Variants in DUSP22 observed in about 807,000 individuals in gnomAD.
The protein encoded by DUSP22 is dual specificity phosphatase 22.
In DUSP22, 24 loss-of-function variants were observed where a neutral mutation model predicts 24.5. The ratio of observed to expected loss-of-function variants is 0.98; its 90% CI spans 0.71 to 1.38. DUSP22 has a LOEUF of 1.38. DUSP22 is among the 40% of genes most tolerant of loss of function. The pLI is 0.00. For synonymous variants in DUSP22, 160 were observed against 106.4 expected, an observed-to-expected ratio of 1.50 and a Z score of -3.10; for missense variants, 330 against 269.2, an observed-to-expected ratio of 1.23 and a Z score of -1.58.
intron 4 of DUSP22, among the ~76,000 whole-genome samples, chr6:344,435 A>G (rs1045857165): frequency 6.6e-6 from 1 of 152,274 alleles, no homozygotes; most frequent in Admixed American, 6.5e-5. Flanking sequence ...ACAGGCATGC[A>G]CCACCACACC....
chr6:308,621 T>A (rs1581152966), intron 2 of DUSP22, among the ~76,000 whole-genome samples: 1 of 152,416 alleles, frequency 6.6e-6, no homozygotes, highest in South Asian at 2.1e-4. Flanking sequence ...AATGTATGCT[T>A]TTTTCCCCAG....
chr6:327,355 G>A (rs902496323), intron 3 of DUSP22, among the ~76,000 whole-genome samples: 18 of 152,418 alleles, frequency 1.2e-4, no homozygotes, highest in East Asian at 7.7e-4. Flanking sequence ...AGGCCGGCCC[G>A]CACTGGACGG....
intron 1 of DUSP22, among the ~76,000 whole-genome samples, chr6:301,236 TG>T (rs1757567918): frequency 6.6e-6 from 1 of 152,194 alleles, no homozygotes; most frequent in Non-Finnish European, 1.5e-5. Flanking sequence ...ACAGGGTTTG[TG>T]GTTTTCGAGC....
chr6:334,310 A>C (rs1370037408), intron 3 of DUSP22, among the ~76,000 whole-genome samples: 1 of 152,308 alleles, frequency 6.6e-6, no homozygotes, highest in Non-Finnish European at 1.5e-5. Flanking sequence ...ATAATCTCTT[A>C]CAAAGAGAAT....
At chr6:328,069 AC>A (rs1429292005) in intron 3 of DUSP22, among the ~76,000 whole-genome samples, 4 of 152,294 alleles carry the variant, frequency 2.6e-5, no homozygotes, top group Non-Finnish European at 5.9e-5. Flanking sequence ...CCCTGGTGAT[AC>A]GTACAGAGAA....
chr6:328,902 A>G (rs1456594949), intron 3 of DUSP22, among the ~76,000 whole-genome samples: 1 of 152,306 alleles, frequency 6.6e-6, no homozygotes, highest in Non-Finnish European at 1.5e-5. Context: ...GGCATACGTA[A>G]GTTTTTCCAG....
Position 321,233 on chromosome 6 carries a change from C to T in DUSP22, c.138+9271C>T, listed in dbSNP as rs569209739. Among the ~76,000 whole-genome samples the T allele has an allele frequency of 8.5e-5, 13 of 152,416 alleles. No homozygotes were observed. In the East Asian group the frequency reaches 2.5e-3, roughly 29 times the overall value. ...ATGGGGCATGCAAGGGAAGGTGTGTCCTGGCACTTTGGGAGCTCACCAGGG... is the reference window on the plus strand; with the variant it reads ...ATGGGGCATGCAAGGGAAGGTGTGTTCTGGCACTTTGGGAGCTCACCAGGG... On this transcript the variant is annotated intron_variant, in intron 3 of 6. Coordinates refer to ENST00000419235, the MANE Select transcript of DUSP22 (RefSeq NM_001286555.3).
intron 3 of DUSP22, among the ~76,000 whole-genome samples, chr6:318,337 TCA>T (rs1181121441): frequency 3.3e-5 from 5 of 152,424 alleles, no homozygotes; most frequent in African/African-American, 1.2e-4. Flanking sequence ...GGAAACGCTG[TCA>T]CAGACTTCAT....
At chr6:342,333 GCAGT>G (rs1759647874) in intron 4 of DUSP22, among the ~76,000 whole-genome samples, 1 of 152,302 alleles carries the variant, frequency 6.6e-6, no homozygotes, top group African/African-American at 2.4e-5. Flanking sequence ...CGTGGGCACA[GCAGT>G]CAGGGACAGC....
chr6:345,224 C>CTTT (rs4061670), intron 4 of DUSP22, among the ~76,000 whole-genome samples: 9 of 146,062 alleles, frequency 6.2e-5, no homozygotes, highest in South Asian at 2.2e-4. Flanking sequence ...TGGTTTCTTT[C>CTTT]TTTTTTTTTT....
intron 2 of DUSP22, among the ~76,000 whole-genome samples, chr6:309,031 A>G (rs557200579): frequency 4.6e-3 from 705 of 152,172 alleles, no homozygotes; most frequent in African/African-American, 0.016. Context: ...GCTGGTGGCG[A>G]TTGGAAAATC....
chr6:345,897 C>T lies in DUSP22; in HGVS notation c.232C>T (p.Arg78Trp), dbSNP rs374233441. The T allele has an allele frequency of 1.9e-5, 30 of 1,614,212 alleles. No individual in the cohort carries two copies. Among genetic ancestry groups the T allele is most frequent in the East Asian group, 4.5e-5 (2 of 44,892 alleles). Reference sequence around the variant, plus strand: ...AAGTATTAAATTCATTCACGAGTGCCGGCTCCGCGGTGAGAGCTGCCTTGT... The same window carrying T: ...AAGTATTAAATTCATTCACGAGTGCTGGCTCCGCGGTGAGAGCTGCCTTGT... ...KESIKFIHECRLRGESCLVHC... is the reference protein window; with the variant it reads ...KESIKFIHECWLRGESCLVHC... Residue 78 changes from arginine (R) to tryptophan (W), a missense_variant, in exon 5 of 7, where the codon CGG becomes TGG. Physicochemically the swap from Arg to Trp is moderately radical, Grantham distance 101. Transcript: ENST00000419235.
In DUSP22 at chr6:349,921, G is replaced by T; in HGVS notation, c.*970G>T. On this transcript the variant is annotated 3_prime_UTR_variant, in exon 7 of 7. Transcript: ENST00000419235. Reference sequence around the variant, plus strand: ...TCCTTGCCAGCTTCATTCACTCCCAGCCTCTCGCTGTCCTCACTTTGCAGG... The same window carrying T: ...TCCTTGCCAGCTTCATTCACTCCCATCCTCTCGCTGTCCTCACTTTGCAGG... 9.1e-6 allele frequency: 9 copies of T among 985,974 alleles called. No individual in the cohort carries two copies. Among genetic ancestry groups the T allele is most frequent in the South Asian group, 4.7e-5 (1 of 21,298 alleles). 61.1% of individuals were successfully genotyped at this position (985,974 alleles called of 1,614,324 possible).
chr6:350,484 AGCAGTTTTCCTGTGCATATAGAGG>A lies in DUSP22; in HGVS notation c.*1535_*1558del. ...ACAAAAAGAGACCCTGAATAAGAAGAGCAGTTTTCCTGTGCATATAGAGGGTGTGTCAAAGGTGAGCTTTTTGGG... is the reference window on the plus strand; with the variant it reads ...ACAAAAAGAGACCCTGAATAAGAAGAGTGTGTCAAAGGTGAGCTTTTTGGG... On this transcript the variant is annotated 3_prime_UTR_variant, in exon 7 of 7. Coordinates refer to ENST00000419235, the MANE Select transcript of DUSP22 (RefSeq NM_001286555.3). 1 of 1,196,422 alleles carries A rather than the reference AGCAGTTTTCCTGTGCATATAGAGG, an allele frequency of 8.4e-7. No individual in the cohort carries two copies. The highest frequency in any genetic ancestry group is 1.0e-6 in the Non-Finnish European group (1 of 960,610). The allele number at this position is 1,196,422 out of a possible 1,614,324, so 74.1% of individuals were successfully genotyped here.
At chr6:336,339 G>A (rs1404905019) in intron 4 of DUSP22, among the ~76,000 whole-genome samples, 1 of 152,302 alleles carries the variant, frequency 6.6e-6, no homozygotes, top group African/African-American at 2.4e-5. Flanking sequence ...GAGTCCTCAG[G>A]CTCGTCTGGA....
At chr6:314,334 G>A (rs1479975574) in intron 3 of DUSP22, among the ~76,000 whole-genome samples, 1 of 152,274 alleles carries the variant, frequency 6.6e-6, no homozygotes, top group Non-Finnish European at 1.5e-5. Flanking sequence ...GTAGGAAGTG[G>A]GAAGGTAGCT....
chr6:332,543 A>T (rs1225669422), intron 3 of DUSP22, among the ~76,000 whole-genome samples: 1 of 152,296 alleles, frequency 6.6e-6, no homozygotes, highest in Admixed American at 6.5e-5. Context: ...ACACATGGAG[A>T]CTGCCCATAG....
At chr6:310,573 A>G (rs1758035894) in intron 2 of DUSP22, among the ~76,000 whole-genome samples, 1 of 152,310 alleles carries the variant, frequency 6.6e-6, no homozygotes, top group South Asian at 2.1e-4. Context: ...CTTTAAAGTG[A>G]ATATAGATGA....
At position 348,174 on chromosome 6, in the gene DUSP22, A is replaced by C. The variant is rs1341767272; in HGVS notation, c.335A>C (p.Glu112Ala). The change falls in exon 6 of 7, where the codon GAG (glutamate) becomes GCG (alanine). Residue 112 changes from glutamate (E) to alanine (A), a missense_variant. Physicochemically the swap from Glu to Ala is moderately radical, Grantham distance 107. Transcript: ENST00000419235. ...ATGACCGTCACTGACTTTGGCTGGG[A>C]GGATGCCCTGCACACCGTGCGTGCT... ...YIMTVTDFGW[E>A]DALHTVRAGR... is the part of the protein sequence containing the mutation. The C allele has an allele frequency of 2.5e-6, 4 of 1,614,302 alleles. No individual in the cohort carries two copies. The highest frequency in any genetic ancestry group is 3.4e-6 in the Non-Finnish European group (4 of 1,180,058).
Sources: allele counts gnomAD v4.1 joint callset (sites outside exome capture counted in the v4.1 genomes callset), GRCh38; gene constraint gnomAD v4.1.1; transcripts MANE v1.5; gene names NCBI Gene and HGNC (gene_info 2026-07-23, HGNC 2026-07-21).